The following ASTN1 variants were observed in gnomAD, a reference collection of about 807,000 sequenced individuals.
ASTN1 encodes astrotactin-1.
ASTN1 carries 41 observed loss-of-function variants against 140.7 expected under a neutral mutation model. The ratio of observed to expected loss-of-function variants is 0.29; its 90% confidence interval spans 0.23 to 0.38. ASTN1 has a LOEUF of 0.38. ASTN1 is among the 10% of genes least tolerant of loss of function. ASTN1 has a pLI of 1.00. For synonymous variants in ASTN1, 640 were observed against 652.2 expected (o/e 0.98, Z 0.29); for missense variants, 1,479 against 1,678.8 (o/e 0.88, Z 2.08).
downstream of ASTN1, among the ~76,000 whole-genome samples, chr1:176,857,889 G>T (rs1267315616): frequency 3.9e-5 from 6 of 152,154 alleles, no homozygotes; most frequent in Admixed American, 3.3e-4. Context: ...CAGGGACAGG[G>T]CGTGAGTCGG....
intron 8 of ASTN1, among the ~76,000 whole-genome samples, chr1:176,991,486 T>C (rs946927061): frequency 8.4e-6 from 1 of 118,788 alleles, no homozygotes; most frequent in African/African-American, 3.3e-5. Flanking sequence ...AGAAACGCTA[T>C]AGAGCCATAA....
Position 176,955,103 on chromosome 1 carries a change from G to C in ASTN1, c.1887+2575C>G, listed in dbSNP as rs1375748094. On this transcript the variant is annotated intron_variant, in intron 11 of 22. Coordinates refer to ENST00000361833, the MANE Select transcript of ASTN1 (RefSeq NM_004319.3). ...GGTTCCTTAAGAGTCAGCGTGTTCT[G>C]AGTTTCTTATCTCTCTCCTTTCATA... Among the ~76,000 whole-genome samples the C allele has an allele frequency of 2.0e-5, 3 of 152,276 alleles. No homozygotes were observed. In the East Asian group the frequency reaches 5.8e-4, roughly 29 times the overall value.
At chr1:177,116,058 A>G (rs189748996) in intron 1 of ASTN1, among the ~76,000 whole-genome samples, 162 of 152,270 alleles carry the variant, frequency 1.1e-3, no homozygotes, top group African/African-American at 3.8e-3. Flanking sequence ...AGCATCTAGG[A>G]TTCCTAACAT....
At chr1:177,134,737 CAA>C (rs1682103863) in intron 1 of ASTN1, among the ~76,000 whole-genome samples, 1 of 152,096 alleles carries the variant, frequency 6.6e-6, no homozygotes, top group Non-Finnish European at 1.5e-5. Context: ...CTACAGAATG[CAA>C]AGAGGAAGTG....
At position 176,903,511 on chromosome 1, in the gene ASTN1, G is replaced by T. The variant is rs74828013; in HGVS notation, c.2672-8681C>A. ...GAGCCTAGCACTCGGTACTCTGCAG[G>T]AGCTCCCTCTGTCTCAGCTGAATTG... On this transcript the variant is annotated intron_variant, in intron 16 of 22. Coordinates refer to ENST00000361833, the MANE Select transcript of ASTN1 (RefSeq NM_004319.3). Among the ~76,000 whole-genome samples, 920 of 152,246 alleles carry T rather than the reference G, an allele frequency of 6.0e-3. 9 individuals carry two copies. The highest frequency in any genetic ancestry group is 0.021 in the African/African-American group (870 of 41,540).
chr1:177,072,405 C>T (rs1678686145), intron 1 of ASTN1, among the ~76,000 whole-genome samples: 1 of 152,128 alleles, frequency 6.6e-6, no homozygotes, highest in Non-Finnish European at 1.5e-5. Flanking sequence ...CTCCACACTG[C>T]CTTGGGCCCA....
chr1:176,944,750 C>T (rs1423187774), intron 13 of ASTN1, among the ~76,000 whole-genome samples: 1 of 152,196 alleles, frequency 6.6e-6, no homozygotes, highest in Non-Finnish European at 1.5e-5. Context: ...AACTCAGTCC[C>T]TACTTCCTGA....
chr1:177,156,567 G>T (rs1417618591), intron 1 of ASTN1, among the ~76,000 whole-genome samples: 1 of 151,964 alleles, frequency 6.6e-6, no homozygotes, highest in Non-Finnish European at 1.5e-5. Flanking sequence ...GAGTCCATAG[G>T]ACATAAATAA....
chr1:176,876,460 G>T, intron 21 of ASTN1, 77 bp downstream of exon 21: 1 of 1,467,420 alleles, frequency 6.8e-7, no homozygotes, highest in Non-Finnish European at 9.5e-7. Flanking sequence ...AACTCTCTTG[G>T]TCCTTCTGTC....
chr1:177,156,469 A>T (rs1172134570), intron 1 of ASTN1, among the ~76,000 whole-genome samples: 1 of 152,184 alleles, frequency 6.6e-6, no homozygotes, highest in Non-Finnish European at 1.5e-5. Flanking sequence ...AAGAGCTCCC[A>T]TTAGCCAATG....
intron 1 of ASTN1, among the ~76,000 whole-genome samples, chr1:177,106,658 C>T (rs928202358): frequency 6.6e-6 from 1 of 152,156 alleles, no homozygotes; most frequent in Non-Finnish European, 1.5e-5. Context: ...CCTCACCCTG[C>T]CAAAAGGAGG....
chr1:176,870,153 G>A (rs1420784119), intron 21 of ASTN1, among the ~76,000 whole-genome samples: 1 of 152,076 alleles, frequency 6.6e-6, no homozygotes, highest in Non-Finnish European at 1.5e-5. Flanking sequence ...CTTTTAATTT[G>A]TCCAAAAGGA....
intron 22 of ASTN1, among the ~76,000 whole-genome samples, chr1:176,865,677 CAG>C (rs1242940834): frequency 6.6e-6 from 1 of 152,182 alleles, no homozygotes; most frequent in African/African-American, 2.4e-5. Context: ...AACTCATGGG[CAG>C]AACCACTCTT....
At chr1:177,083,321 G>A (rs950489561) in intron 1 of ASTN1, among the ~76,000 whole-genome samples, 5 of 151,962 alleles carry the variant, frequency 3.3e-5, no homozygotes, top group East Asian at 3.9e-4. Context: ...GTGATCTATC[G>A]CCCTCTTTCT....
intron 8 of ASTN1, among the ~76,000 whole-genome samples, chr1:176,988,327 A>C (rs1674001809): frequency 6.6e-6 from 1 of 150,532 alleles, no homozygotes; most frequent in African/African-American, 2.4e-5. Flanking sequence ...GAAAAAAAAA[A>C]AAAAAACCTT....
chr1:177,073,128 G>T (rs1021616609), intron 1 of ASTN1, among the ~76,000 whole-genome samples: 1 of 152,054 alleles, frequency 6.6e-6, no homozygotes. Context: ...ATACAGCATT[G>T]GTAGCTTCTC....
intron 14 of ASTN1, among the ~76,000 whole-genome samples, chr1:176,939,951 G>A (rs1490592770): frequency 6.6e-6 from 1 of 152,068 alleles, no homozygotes; most frequent in Non-Finnish European, 1.5e-5. Flanking sequence ...TATTTTATCT[G>A]AAATGTCAGG....
intron 1 of ASTN1, among the ~76,000 whole-genome samples, chr1:177,115,529 C>T (rs891577013): frequency 4.0e-5 from 6 of 151,820 alleles, no homozygotes; most frequent in African/African-American, 7.3e-5. Context: ...TGCTAGTGCA[C>T]GCCTATAATC....
chr1:176,983,753 T>A (rs115925080), intron 8 of ASTN1, among the ~76,000 whole-genome samples: 3,300 of 152,344 alleles, frequency 0.022, 51 homozygotes, highest in Middle Eastern at 0.044. Context: ...GCTTTTTGCA[T>A]CTCAGTGCCC....
Sources: allele counts gnomAD v4.1 joint callset (sites outside exome capture counted in the v4.1 genomes callset), GRCh38; gene constraint gnomAD v4.1.1; transcripts MANE v1.5; gene names NCBI Gene and HGNC (gene_info 2026-07-23, HGNC 2026-07-21).